Variants in CAPRIN2 observed in about 807,000 individuals in gnomAD.
CAPRIN2 encodes caprin-2.
Under a neutral mutation model 130.4 loss-of-function variants are expected in CAPRIN2, and 66 were observed. The ratio of observed to expected loss-of-function variants is 0.51; its 90% CI spans 0.42 to 0.62. The LOEUF is 0.62. CAPRIN2 is among the 20% of genes least tolerant of loss of function. CAPRIN2 has a pLI of 0.00. For missense variants in CAPRIN2, 1,185 were observed against 1,246.6 expected (o/e 0.95, Z 0.74); for synonymous variants, 471 against 444.1 (o/e 1.06, Z -0.76).
At chr12:30,715,199 T>TA (rs1310806729) in intron 13 of CAPRIN2, 58 bp from the exon 16 acceptor site, 5 of 1,338,598 alleles carry the variant, frequency 3.7e-6, no homozygotes, top group Middle Eastern at 1.8e-4. Context: ...TCTTTATACT[T>TA]AAAAGCCAAT....
At chr12:30,746,631 G>A (rs935904482) in intron 2 of CAPRIN2, among the ~76,000 whole-genome samples, 2 of 152,224 alleles carry the variant, frequency 1.3e-5, no homozygotes, top group African/African-American at 4.8e-5. Flanking sequence ...TATTGCTGAC[G>A]TGCACAAGAT....
At chr12:30,754,163 T>C (rs1351591965) in exon 1 of CAPRIN2, 1 of 176,264 alleles carries the variant, frequency 5.7e-6, no homozygotes, top group Non-Finnish European at 1.2e-5. Context: ...TACAAGGCAA[T>C]CCATCACTAC....
Position 30,726,098 on chromosome 12 carries a change from A to G in CAPRIN2, c.1783-10T>C, listed in dbSNP as rs114776731. The G allele has an allele frequency of 1.8e-3, 2,720 of 1,502,830 alleles. 43 individuals carry two copies. In the African/African-American group the frequency reaches 0.034, roughly 19 times the overall value. 93.1% of individuals were successfully genotyped at this position (1,502,830 alleles called of 1,614,324 possible). ...GCACAGGCTTAGGCACCTACAAGAT[A>G]AACCCATAATGTGTAAGAGTGAAAT... On this transcript the variant is annotated splice_polypyrimidine_tract_variant and intron_variant, in intron 8 of 16. Transcript: ENST00000298892.
intron 11 of CAPRIN2, 90 bp downstream of exon 12, chr12:30,723,169 A>T: frequency 1.2e-6 from 1 of 864,892 alleles, no homozygotes; most frequent in Non-Finnish European, 1.9e-6. Context: ...TTCATTAGGT[A>T]CATGAGAATC....
exon 15 of CAPRIN2, chr12:30,713,792 G>A (rs760501547): frequency 6.3e-7 from 1 of 1,587,858 alleles, no homozygotes; most frequent in Non-Finnish European, 8.6e-7. Context: ...TACCCTTTGG[G>A]AATAAGGTGC....
rs963788916 is a variant in CAPRIN2 at position 30,751,268 on chromosome 12, T to C, written c.421-135A>G. On this transcript the variant is annotated intron_variant, in intron 1 of 16. Coordinates refer to ENST00000298892, the Ensembl canonical transcript of CAPRIN2. Reference sequence around the variant, plus strand: ...AATCTGCAAGACTATCATTTTACTATACGGCATGCAGCAACTGTAGATGAG... The same window carrying C: ...AATCTGCAAGACTATCATTTTACTACACGGCATGCAGCAACTGTAGATGAG... 3.0e-4 allele frequency: 211 copies of C among 696,258 alleles called. 1 individual carries two copies. The East Asian group carries it at 5.5e-3, about 18-fold the overall frequency. The allele number at this position is 696,258 out of a possible 1,614,324, so 43.1% of individuals were successfully genotyped here. A position where few individuals can be genotyped will look rare whatever the true frequency, so the allele number is the denominator to read the frequency against.
At chr12:30,713,817 T>C in exon 15 of CAPRIN2, 1 of 1,610,114 alleles carries the variant, frequency 6.2e-7, no homozygotes, top group Non-Finnish European at 8.5e-7. Context: ...GAATACTCTC[T>C]AGCTTGGAAC....
At chr12:30,734,657 T>C (rs147025649) in intron 4 of CAPRIN2, among the ~76,000 whole-genome samples, 3 of 152,272 alleles carry the variant, frequency 2.0e-5, no homozygotes, top group African/African-American at 7.2e-5. Flanking sequence ...ATTATACTTG[T>C]ACAGGATTAA....
chr12:30,733,603 AT>A lies in CAPRIN2; in HGVS notation c.892+25del, dbSNP rs1282713539. 2.0e-6 allele frequency: 3 copies of A among 1,506,708 alleles called. No individual in the cohort carries two copies. The African/African-American group carries it at 4.1e-5, about 21-fold the overall frequency. 93.3% of individuals were successfully genotyped at this position (1,506,708 alleles called of 1,614,324 possible). ...AGACATAAAGTTTAGTATTTACTGCATAAGTCCAGAGTAGAGAAAACTCACA... is the reference window on the plus strand; with the variant it reads ...AGACATAAAGTTTAGTATTTACTGCAAAGTCCAGAGTAGAGAAAACTCACA... On this transcript the variant is annotated intron_variant, in intron 5 of 16. Coordinates refer to ENST00000298892, the Ensembl canonical transcript of CAPRIN2.
At chr12:30,725,867 G>A in intron 9 of CAPRIN2, 99 bp downstream of exon 10, 4 of 1,066,910 alleles carry the variant, frequency 3.7e-6, no homozygotes, top group Non-Finnish European at 5.0e-6. Context: ...AGCAGAGCCA[G>A]GACTTGACAG....
chr12:30,725,887 T>C, intron 9 of CAPRIN2, 79 bp downstream of exon 10: 1 of 1,256,474 alleles, frequency 8.0e-7, no homozygotes, highest in Non-Finnish European at 1.1e-6. Flanking sequence ...GAATAATCTA[T>C]GCTCTTAATA....
intron 2 of CAPRIN2, among the ~76,000 whole-genome samples, chr12:30,748,636 T>C (rs1397280975): frequency 6.6e-6 from 1 of 152,202 alleles, no homozygotes; most frequent in Non-Finnish European, 1.5e-5. Context: ...GGTATGCCTA[T>C]ACTGGTAACA....
chr12:30,716,800 C>G (rs2057722974), intron 12 of CAPRIN2, 124 bp from the exon 15 acceptor site: 10 of 747,430 alleles, frequency 1.3e-5, no homozygotes, highest in Non-Finnish European at 2.0e-5. Context: ...GAATAGACAT[C>G]TCTCCAAAGA....
At chr12:30,715,172 G>C in intron 13 of CAPRIN2, 31 bp from the exon 16 acceptor site, 1 of 1,578,638 alleles carries the variant, frequency 6.3e-7, no homozygotes, top group Non-Finnish European at 8.7e-7. Context: ...TAGGGTCCAA[G>C]AGTTAAATGG....
At chr12:30,734,821 C>G (rs1375727983) in intron 4 of CAPRIN2, 147 bp downstream of exon 5, 4 of 647,060 alleles carry the variant, frequency 6.2e-6, no homozygotes, top group Non-Finnish European at 8.2e-6. Flanking sequence ...CAAATTAATA[C>G]TTTCTTAAGT....
At chr12:30,731,441 T>C in exon 6 of CAPRIN2, 1 of 1,613,178 alleles carries the variant, frequency 6.2e-7, no homozygotes, top group Non-Finnish European at 8.5e-7. Context: ...CTTGGCATTT[T>C]TGGGAACTGG....
At chr12:30,745,367 G>T (rs553187541) in intron 2 of CAPRIN2, among the ~76,000 whole-genome samples, 2 of 152,104 alleles carry the variant, frequency 1.3e-5, no homozygotes, top group Non-Finnish European at 2.9e-5. Context: ...ACAAGTTAAA[G>T]TGACTCCACA....
chr12:30,751,167 G>C, intron 1 of CAPRIN2, 34 bp from the exon 3 acceptor site: 1 of 1,558,434 alleles, frequency 6.4e-7, no homozygotes, highest in Non-Finnish European at 8.8e-7. Flanking sequence ...ACCATAGTCT[G>C]ACATAAAATT....
intron 14 of CAPRIN2, among the ~76,000 whole-genome samples, chr12:30,714,658 T>A (rs960151362): frequency 1.3e-5 from 2 of 152,228 alleles, no homozygotes; most frequent in African/African-American, 4.8e-5. Context: ...GATACACTTT[T>A]AGCAGAGTTA....
Sources: gnomAD v4.1 joint callset for allele counts (sites outside exome capture counted in the v4.1 genomes callset) on GRCh38, gnomAD v4.1.1 for gene constraint, MANE v1.5 for transcripts, NCBI Gene and HGNC (gene_info 2026-07-23, HGNC 2026-07-21) for gene names.